Variants in ZNF573 observed in about 807,000 individuals in gnomAD.
ZNF573 encodes the protein zinc finger protein 573.
Under a neutral mutation model 57.4 loss-of-function variants are expected in ZNF573, and 41 were observed. The ratio of observed to expected loss-of-function variants is 0.71; its 90% confidence interval spans 0.56 to 0.93. ZNF573 has a LOEUF of 0.93. ZNF573 is among the 40% of genes least tolerant of loss of function. ZNF573 has a pLI of 0.00. For missense variants in ZNF573, 730 were observed against 794.8 expected (o/e 0.92, Z 0.98); for synonymous variants, 249 against 261.0 (o/e 0.95, Z 0.44).
In ZNF573 at chr19:37,738,621, T is replaced by A. The variant is rs1310114615; in HGVS notation, c.1869A>T (p.Ser623=). The change falls in exon 5 of 5, where the codon TCA becomes TCT. Residue 623 remains serine, a synonymous_variant. Coordinates refer to ENST00000536220, the MANE Select transcript of ZNF573 (RefSeq NM_001172690.2). ...KECGKAFSRA[S]NLVQHERIHT... Reference sequence around the variant, plus strand: ...GAATTCTCTCATGTTGAACAAGGTTTGAAGCACGACTGAAGGCCTTCCCAC... The same window carrying A: ...GAATTCTCTCATGTTGAACAAGGTTAGAAGCACGACTGAAGGCCTTCCCAC... 1 of 1,612,070 alleles carries A rather than the reference T, an allele frequency of 6.2e-7. No homozygotes were observed. Among genetic ancestry groups the A allele is most frequent in the Non-Finnish European group, 8.5e-7 (1 of 1,179,098 alleles).
At chr19:37,769,244 A>T (rs1417951370) in intron 4 of ZNF573, among the ~76,000 whole-genome samples, 2 of 151,656 alleles carry the variant, frequency 1.3e-5, no homozygotes, top group Non-Finnish European at 2.9e-5. Flanking sequence ...TTGGGATTAC[A>T]GGCATGAGCC....
chr19:37,772,235 G>A (rs370910336), intron 2 of ZNF573, among the ~76,000 whole-genome samples: 155 of 152,124 alleles, frequency 1.0e-3, no homozygotes, highest in African/African-American at 3.4e-3. Flanking sequence ...CCAGGCCCAG[G>A]TGATTTTCCC....
chr19:37,770,226 G>GA, intron 3 of ZNF573, 129 bp from the exon 4 acceptor site: 1 of 714,022 alleles, frequency 1.4e-6, no homozygotes, highest in Non-Finnish European at 2.3e-6. Flanking sequence ...TTGAAGAAAT[G>GA]AAACAGGCAC....
intron 4 of ZNF573, among the ~76,000 whole-genome samples, chr19:37,752,421 T>C (rs1046164494): frequency 6.6e-6 from 1 of 152,018 alleles, no homozygotes; most frequent in African/African-American, 2.4e-5. Flanking sequence ...TATTCAGCCA[T>C]AAAAAAAGAA....
At chr19:37,770,207 G>T in intron 3 of ZNF573, 110 bp from the exon 4 acceptor site, 1 of 813,906 alleles carries the variant, frequency 1.2e-6, no homozygotes, top group Non-Finnish European at 1.9e-6. Flanking sequence ...TAAAAGAGGG[G>T]TGAGATGATT....
chr19:37,755,394 A>G (rs1166101876), intron 4 of ZNF573: 3 of 152,196 alleles, frequency 2.0e-5, no homozygotes, highest in African/African-American at 7.2e-5. Context: ...TGGAAATCTA[A>G]CCACATAGAG....
At chr19:37,765,685 G>C (rs1456986072) in intron 4 of ZNF573, among the ~76,000 whole-genome samples, 2 of 151,976 alleles carry the variant, frequency 1.3e-5, no homozygotes, top group Non-Finnish European at 2.9e-5. Flanking sequence ...ACTCCAGCCT[G>C]GGCAACAAGA....
chr19:37,773,944 C>CAATGA (rs1183691916), intron 1 of ZNF573, among the ~76,000 whole-genome samples, 193 bp from the exon 2 acceptor site: 1 of 152,042 alleles, frequency 6.6e-6, no homozygotes, highest in Admixed American at 6.6e-5. Context: ...TAGAGTAAGT[C>CAATGA]AATGGCTCAC....
intron 4 of ZNF573, among the ~76,000 whole-genome samples, chr19:37,763,869 G>A (rs2045575467): frequency 6.6e-6 from 1 of 151,970 alleles, no homozygotes; most frequent in African/African-American, 2.4e-5. Flanking sequence ...TTCAAGACAA[G>A]CCTGACCAAC....
intron 2 of ZNF573, among the ~76,000 whole-genome samples, chr19:37,772,203 G>A (rs2045665322): frequency 6.6e-6 from 1 of 151,034 alleles, no homozygotes; most frequent in Admixed American, 6.6e-5. Context: ...ACTCAAACAT[G>A]GCTCATTGTA....
intron 4 of ZNF573, among the ~76,000 whole-genome samples, chr19:37,767,142 C>T (rs149168131): frequency 1.3e-3 from 195 of 152,340 alleles, no homozygotes; most frequent in African/African-American, 4.5e-3. Flanking sequence ...CCTGCTGACA[C>T]CCAGATATCT....
chr19:37,772,100 AAATTT>A, intron 2 of ZNF573, among the ~76,000 whole-genome samples: 1 of 152,322 alleles, frequency 6.6e-6, no homozygotes, highest in South Asian at 2.1e-4. Context: ...TGTCCTTGCC[AAATTT>A]AATAATCTCC....
chr19:37,756,951 T>G (rs1342680297), intron 4 of ZNF573, among the ~76,000 whole-genome samples: 1 of 151,894 alleles, frequency 6.6e-6, no homozygotes, highest in African/African-American at 2.4e-5. Flanking sequence ...GAGATTAGAA[T>G]AACCATGAGG....
intron 4 of ZNF573, among the ~76,000 whole-genome samples, chr19:37,745,062 G>A (rs1436403223): frequency 6.6e-6 from 1 of 151,860 alleles, no homozygotes; most frequent in Non-Finnish European, 1.5e-5. Flanking sequence ...GATTACAGGC[G>A]TGAGCCACCG....
At chr19:37,749,937 A>G (rs530484281) in intron 4 of ZNF573, among the ~76,000 whole-genome samples, 130 of 152,344 alleles carry the variant, frequency 8.5e-4, no homozygotes, top group African/African-American at 1.7e-3. Context: ...TGTAATTTGC[A>G]TAAGTTTTTA....
intron 2 of ZNF573, among the ~76,000 whole-genome samples, chr19:37,772,445 T>TA (rs1249443366): frequency 3.7e-4 from 54 of 147,294 alleles, no homozygotes; most frequent in Admixed American, 1.4e-3. Flanking sequence ...TCTCCATATT[T>TA]AAAAAAAAAA....
intron 2 of ZNF573, 41 bp downstream of exon 2, chr19:37,773,620 A>G (rs1343445264): frequency 6.8e-7 from 1 of 1,467,414 alleles, no homozygotes; most frequent in Non-Finnish European, 9.2e-7. Flanking sequence ...CACATAACCT[A>G]TGATCATGAT....
intron 4 of ZNF573, among the ~76,000 whole-genome samples, chr19:37,757,519 A>AAT (rs2045500937): frequency 6.6e-6 from 1 of 152,078 alleles, no homozygotes; most frequent in Non-Finnish European, 1.5e-5. Flanking sequence ...ATGATGTCAT[A>AAT]GACTCAGCCC....
intron 3 of ZNF573, 27 bp from the exon 4 acceptor site, chr19:37,770,124 T>C: frequency 6.7e-7 from 1 of 1,496,992 alleles, no homozygotes. Flanking sequence ...TGCCACATGG[T>C]ATAAAAATAA....
Sources: gnomAD v4.1 joint callset for allele counts (sites outside exome capture counted in the v4.1 genomes callset) on GRCh38, gnomAD v4.1.1 for gene constraint, MANE v1.5 for transcripts, NCBI Gene and HGNC (gene_info 2026-07-23, HGNC 2026-07-21) for gene names.